The following SRL variants were observed in gnomAD, a reference collection of about 807,000 sequenced individuals.
SRL encodes sarcalumenin.
In SRL, 23 loss-of-function variants were observed where a neutral mutation model predicts 39.5. The ratio of observed to expected loss-of-function variants is 0.58; its 90% confidence interval spans 0.42 to 0.82. The LOEUF is 0.82. Among genes scored for constraint, SRL ranks in the 40% least tolerant of loss-of-function variants. The pLI is 0.00. For synonymous variants in SRL, 272 were observed against 237.4 expected (o/e 1.15, Z -1.34); for missense variants, 592 against 607.8 (o/e 0.97, Z 0.27).
At chr16:4,205,043 C>T (rs1597274653) in intron 1 of SRL, among the ~76,000 whole-genome samples, 1 of 151,942 alleles carries the variant, frequency 6.6e-6, no homozygotes, top group African/African-American at 2.4e-5. Flanking sequence ...AACGCTAGGG[C>T]CGAGTGCAGT....
intron 1 of SRL, among the ~76,000 whole-genome samples, chr16:4,220,220 T>C (rs1266661048): frequency 6.6e-6 from 1 of 151,362 alleles, no homozygotes; most frequent in African/African-American, 2.4e-5. Context: ...GCCAGATCAC[T>C]TGAGGCCAGG....
intron 1 of SRL, among the ~76,000 whole-genome samples, chr16:4,213,597 G>A (rs2052421589): frequency 6.6e-6 from 1 of 151,396 alleles, no homozygotes; most frequent in Admixed American, 6.6e-5. Flanking sequence ...TTTTTGTAGA[G>A]ATGAGGTCTC....
intron 1 of SRL, among the ~76,000 whole-genome samples, chr16:4,230,654 C>A (rs2052651099): frequency 6.6e-6 from 1 of 151,948 alleles, no homozygotes. Flanking sequence ...TCCCAAAGTG[C>A]TGGGATTACA....
intron 1 of SRL, chr16:4,239,700 G>A (rs2052751799): frequency 6.6e-6 from 1 of 152,368 alleles, no homozygotes. Flanking sequence ...CTGAGGAAAG[G>A]AGAGGACCCT....
intron 1 of SRL, among the ~76,000 whole-genome samples, chr16:4,229,560 A>G (rs1224542390): frequency 6.6e-6 from 1 of 152,134 alleles, no homozygotes; most frequent in Non-Finnish European, 1.5e-5. Context: ...ATTCTCACTT[A>G]TAAGTGGGAG....
chr16:4,203,940 G>C (rs936916057), intron 2 of SRL, among the ~76,000 whole-genome samples: 4 of 152,336 alleles, frequency 2.6e-5, no homozygotes, highest in African/African-American at 9.6e-5. Flanking sequence ...CGGAGGGGTG[G>C]GGTCAGATAA....
chr16:4,234,428 G>A (rs1001402713), intron 1 of SRL, among the ~76,000 whole-genome samples: 1 of 152,222 alleles, frequency 6.6e-6, no homozygotes, highest in African/African-American at 2.4e-5. Flanking sequence ...CAGACAATGA[G>A]GAAGTCACAG....
chr16:4,204,398 C>T, intron 2 of SRL, 135 bp downstream of exon 2: 1 of 770,166 alleles, frequency 1.3e-6, no homozygotes, highest in Non-Finnish European at 2.1e-6. Context: ...CCCCTCCAGC[C>T]TCCAAGATAG....
chr16:4,237,724 C>T (rs1187799139), intron 1 of SRL, among the ~76,000 whole-genome samples: 1 of 152,106 alleles, frequency 6.6e-6, no homozygotes, highest in East Asian at 1.9e-4. Flanking sequence ...GCTCTGGCAC[C>T]GTGAGTTTGC....
chr16:4,192,268 G>A lies in SRL; in HGVS notation c.1307C>T (p.Thr436Ile), dbSNP rs760418935. 1 of 1,614,144 alleles carries A rather than the reference G, an allele frequency of 6.2e-7. No individual in the cohort carries two copies. Among genetic ancestry groups the A allele is most frequent in the Non-Finnish European group, 8.5e-7 (1 of 1,179,998 alleles). ...ACCCAGGAGGCCCGGAAGCTCCTGA[G>A]TGATGGCCCGCTCAATCTTCTCCAG... Reference protein sequence around the residue: ...CFLEKIERAITQELPGLLGSL... With the variant: ...CFLEKIERAIIQELPGLLGSL... Residue 436 changes from threonine (T) to isoleucine (I), a missense_variant, in exon 6 of 6, where the codon ACT (threonine) becomes ATT (isoleucine). Thr to Ile is a moderately conservative substitution (Grantham distance 89, BLOSUM62 -1). Coordinates refer to ENST00000399609, the MANE Select transcript of SRL (RefSeq NM_001098814.2). The surrounding 1 kb of genome is among the most constrained non-coding windows in gnomAD (Gnocchi z 4.0).
chr16:4,237,345 C>T (rs1401276870), intron 1 of SRL, among the ~76,000 whole-genome samples: 1 of 152,284 alleles, frequency 6.6e-6, no homozygotes, highest in African/African-American at 2.4e-5. Flanking sequence ...AGGGCCCCCT[C>T]CCCTGGCCTG....
chr16:4,223,073 T>C (rs1567186357), intron 1 of SRL, among the ~76,000 whole-genome samples: 1 of 151,158 alleles, frequency 6.6e-6, no homozygotes. Flanking sequence ...CTACTAAAAA[T>C]ACAAAAAAAT....
intron 1 of SRL, among the ~76,000 whole-genome samples, chr16:4,208,296 T>C (rs1378531212): frequency 6.6e-6 from 1 of 152,120 alleles, no homozygotes; most frequent in Non-Finnish European, 1.5e-5. Flanking sequence ...TCTGCCTCCC[T>C]CCCAAGATGT....
intron 1 of SRL, among the ~76,000 whole-genome samples, chr16:4,214,117 G>C (rs2052426466): frequency 6.6e-6 from 1 of 152,176 alleles, no homozygotes; most frequent in Admixed American, 6.5e-5. Flanking sequence ...AGTACCAAGG[G>C]CCAGGAAGCT....
chr16:4,202,357 G>A (rs890013579), intron 3 of SRL, among the ~76,000 whole-genome samples: 2 of 152,200 alleles, frequency 1.3e-5, no homozygotes, highest in Non-Finnish European at 2.9e-5. Context: ...ACTTTGGGAG[G>A]CCGAAGCGGG....
chr16:4,229,584 A>C (rs903514061), intron 1 of SRL, among the ~76,000 whole-genome samples: 1 of 152,100 alleles, frequency 6.6e-6, no homozygotes, highest in Non-Finnish European at 1.5e-5. Flanking sequence ...AGCATTGGAG[A>C]CACATGGACA....
rs142918528 is a variant in SRL at position 4,214,378 on chromosome 16, T to C, written c.62-9744A>G. Among the ~76,000 whole-genome samples, 475 of 150,592 alleles carry C rather than the reference T, an allele frequency of 3.2e-3. 2 individuals are homozygous for C. The highest frequency in any genetic ancestry group is 0.011 in the African/African-American group (445 of 41,458). ...GCGTAAGTAAAATACCTCTGACCAT[T>C]ACTCATACACAGTTATGCAAATCAG... On this transcript the variant is annotated intron_variant, in intron 1 of 5. Coordinates refer to ENST00000399609, the MANE Select transcript of SRL (RefSeq NM_001098814.2).
chr16:4,222,758 C>T (rs987571906), intron 1 of SRL, among the ~76,000 whole-genome samples: 18 of 152,056 alleles, frequency 1.2e-4, no homozygotes, highest in Admixed American at 4.6e-4. Context: ...AGGTGTGGCT[C>T]GAGGGCTATC....
intron 1 of SRL, among the ~76,000 whole-genome samples, chr16:4,215,439 T>G (rs1012363945): frequency 2.0e-5 from 3 of 152,200 alleles, no homozygotes; most frequent in African/African-American, 7.2e-5. Flanking sequence ...AGAAAGAACC[T>G]TGGGATTTGG....
Sources: gnomAD v4.1 joint callset for allele counts (sites outside exome capture counted in the v4.1 genomes callset) on GRCh38, gnomAD v4.1.1 for gene constraint, Gnocchi (gnomAD v3.1) non-coding constraint, MANE v1.5 for transcripts, NCBI Gene and HGNC (gene_info 2026-07-23, HGNC 2026-07-21) for gene names.